The following DDX10 variants were observed in gnomAD, a reference collection of about 807,000 sequenced individuals.
DDX10 encodes DEAD-box helicase 10.
DDX10 carries 74 observed loss-of-function variants against 104.3 expected under a neutral mutation model. The observed-to-expected ratio is 0.71, with a 90% confidence interval of 0.59 to 0.86. The LOEUF (loss-of-function observed/expected upper bound fraction) is 0.86. Ranked by LOEUF, DDX10 falls within the 40% of genes least tolerant of loss-of-function variation. The pLI, the probability that DDX10 is intolerant of heterozygous loss-of-function variation, is 0.00. For missense variants in DDX10, 952 were observed against 1,040.0 expected (o/e 0.92, Z 1.16); for synonymous variants, 351 against 353.4 (o/e 0.99, Z 0.08).
At chr11:108,885,091 A>C (rs1863278250) in intron 16 of DDX10, among the ~76,000 whole-genome samples, 1 of 152,026 alleles carries the variant, frequency 6.6e-6, no homozygotes, top group South Asian at 2.1e-4. Flanking sequence ...CCACTGCTTT[A>C]GTTTAATACT....
intron 13 of DDX10, among the ~76,000 whole-genome samples, chr11:108,780,140 C>T (rs1215260265): frequency 6.6e-6 from 1 of 152,134 alleles, no homozygotes; most frequent in Non-Finnish European, 1.5e-5. Flanking sequence ...AGGACCATAG[C>T]TATCGATGTG....
chr11:108,683,489 C>G (rs1308531404), intron 6 of DDX10, among the ~76,000 whole-genome samples: 1 of 152,112 alleles, frequency 6.6e-6, no homozygotes, highest in Non-Finnish European at 1.5e-5. Context: ...CTGTTTTTTC[C>G]TTTAGCACCT....
At chr11:108,881,533 G>T (rs1037831813) in intron 16 of DDX10, among the ~76,000 whole-genome samples, 1 of 152,094 alleles carries the variant, frequency 6.6e-6, no homozygotes, top group South Asian at 2.1e-4. Context: ...CTTTATGATG[G>T]TGTGAAAGTG....
Position 108,665,164 on chromosome 11 carries a change from C to T in DDX10, c.11C>T (p.Thr4Met). 3.7e-6 allele frequency: 6 copies of T among 1,607,954 alleles called. No individual in the cohort carries two copies. The highest frequency in any genetic ancestry group is 5.1e-6 in the Non-Finnish European group (6 of 1,177,828). The change falls in exon 1 of 18, where the codon ACG (threonine) becomes ATG (methionine). Residue 4 changes from threonine to methionine, a missense_variant. By Grantham distance (81) the Thr-to-Met change is moderately conservative (BLOSUM62 -1). Transcript: ENST00000322536. ...GCCGCCGCCGCCGCAATGGGCAAAA[C>T]GGCCAACTCTCCGGGTTCGGGAGCC... Reference protein sequence around the residue: MGKTANSPGSGARP... With the variant: MGKMANSPGSGARP...
intron 17 of DDX10, 92 bp downstream of exon 17, chr11:108,918,110 C>G (rs752217991): frequency 4.6e-6 from 6 of 1,298,478 alleles, no homozygotes. Context: ...AGTTCTACTC[C>G]AAGAGATGTT....
chr11:108,756,102 T>G (rs1168281054), intron 13 of DDX10, among the ~76,000 whole-genome samples: 2 of 151,998 alleles, frequency 1.3e-5, no homozygotes, highest in East Asian at 3.9e-4. Flanking sequence ...CTATACTGAT[T>G]GTGTTAGTGC....
At chr11:108,858,755 T>C (rs968876396) in intron 16 of DDX10, among the ~76,000 whole-genome samples, 30 of 152,312 alleles carry the variant, frequency 2.0e-4, no homozygotes, top group Admixed American at 9.8e-4. Flanking sequence ...TGCATATTGA[T>C]TTTGCCTTTC....
At chr11:108,905,405 C>A (rs1247399623) in intron 16 of DDX10, among the ~76,000 whole-genome samples, 3 of 147,720 alleles carry the variant, frequency 2.0e-5, no homozygotes, top group Non-Finnish European at 3.0e-5. Flanking sequence ...ATTCTACTAA[C>A]TCACTGTGAA....
chr11:108,929,956 T>A (rs1214703870), intron 17 of DDX10, among the ~76,000 whole-genome samples: 1 of 152,216 alleles, frequency 6.6e-6, no homozygotes, highest in Non-Finnish European at 1.5e-5. Flanking sequence ...AGTAACATCT[T>A]GCATTAGTGT....
chr11:108,839,021 T>C lies in DDX10; in HGVS notation c.2085+456T>C, dbSNP rs1436254705. 3.3e-5 allele frequency among the ~76,000 whole-genome samples: 5 copies of C among 152,184 alleles called. No individual in the cohort carries two copies. The East Asian group carries it at 7.7e-4, about 23-fold the overall frequency. ...GGGAATTCTCTGCTTTATAAAGTAGTCTCAGACACAGAGGTGCCTTGTTTA... is the reference window on the plus strand; with the variant it reads ...GGGAATTCTCTGCTTTATAAAGTAGCCTCAGACACAGAGGTGCCTTGTTTA... On this transcript the variant is annotated intron_variant, in intron 14 of 17. Coordinates refer to ENST00000322536, the MANE Select transcript of DDX10 (RefSeq NM_004398.4).
chr11:108,902,893 AAATC>A (rs1863536827), intron 16 of DDX10, among the ~76,000 whole-genome samples: 1 of 152,184 alleles, frequency 6.6e-6, no homozygotes, highest in Admixed American at 6.5e-5. Context: ...TTTACATTAA[AAATC>A]AAAATAACCT....
chr11:108,775,108 G>C (rs757521647), intron 13 of DDX10, among the ~76,000 whole-genome samples: 3 of 152,174 alleles, frequency 2.0e-5, no homozygotes, highest in African/African-American at 7.2e-5. Context: ...TATTTAAATG[G>C]TTGGTATTGC....
chr11:108,865,481 C>G (rs1046059837), intron 16 of DDX10, among the ~76,000 whole-genome samples: 13 of 152,140 alleles, frequency 8.5e-5, no homozygotes, highest in African/African-American at 3.1e-4. Flanking sequence ...TGAAATACAG[C>G]AGGAGACTAA....
chr11:108,723,423 T>C lies in DDX10; in HGVS notation c.1926T>C (p.Asn642=). 6.2e-7 allele frequency: 1 copy of C among 1,613,626 alleles called. No homozygotes were observed. Among genetic ancestry groups the C allele is most frequent in the Non-Finnish European group, 8.5e-7 (1 of 1,179,768 alleles). The change falls in exon 13 of 18, where the codon AAT becomes AAC. Residue 642 remains asparagine, a synonymous_variant. Transcript: ENST00000322536. ...DADFLKVKRH[N]VFGLDLKDEK... is the part of the protein sequence containing the mutation. ...ATTTCTTGAAGGTGAAGCGGCATAA[T>C]GTGTTTGGATTGGACCTTAAAGACG...
chr11:108,786,480 G>A (rs1221812467), intron 13 of DDX10, among the ~76,000 whole-genome samples: 1 of 151,222 alleles, frequency 6.6e-6, no homozygotes, highest in African/African-American at 2.4e-5. Flanking sequence ...TGTAATAATG[G>A]CGGTGTAAGT....
intron 13 of DDX10, among the ~76,000 whole-genome samples, chr11:108,733,109 C>CT (rs750603316): frequency 0.031 from 4,194 of 136,956 alleles, 77 homozygotes; most frequent in Non-Finnish European, 0.043. Context: ...TTTAGTCCTA[C>CT]TTTTTTTTTT....
At chr11:108,688,362 A>C (rs1459950718) in intron 6 of DDX10, among the ~76,000 whole-genome samples, 1 of 152,228 alleles carries the variant, frequency 6.6e-6, no homozygotes, top group East Asian at 1.9e-4. Context: ...ATACTATCTA[A>C]TGGTAGCATC....
intron 5 of DDX10, among the ~76,000 whole-genome samples, chr11:108,678,661 G>C (rs1045275822): frequency 6.6e-6 from 1 of 152,096 alleles, no homozygotes. Context: ...AATTAGGCAC[G>C]TTAGTATTAG....
At chr11:108,761,809 T>G (rs903414670) in intron 13 of DDX10, among the ~76,000 whole-genome samples, 1 of 152,184 alleles carries the variant, frequency 6.6e-6, no homozygotes, top group Non-Finnish European at 1.5e-5. Flanking sequence ...AGAGCTGTAC[T>G]GTATACTCAA....
Sources: allele counts gnomAD v4.1 joint callset (sites outside exome capture counted in the v4.1 genomes callset), GRCh38; gene constraint gnomAD v4.1.1; transcripts MANE v1.5; gene names NCBI Gene and HGNC (gene_info 2026-07-23, HGNC 2026-07-21).